The following FNDC3A variants were observed in gnomAD, a reference collection of about 807,000 sequenced individuals.
The protein encoded by FNDC3A is fibronectin type-III domain-containing protein 3A.
In FNDC3A, 32 loss-of-function variants were observed where a neutral mutation model predicts 148.9. That is an observed-to-expected ratio of 0.21 (90% CI 0.16 to 0.29). The LOEUF (loss-of-function observed/expected upper bound fraction) is 0.29, where lower values mean the gene tolerates loss of function less well. FNDC3A is among the 10% of genes least tolerant of loss of function. The pLI is 1.00. For missense variants in FNDC3A, 1,191 were observed against 1,452.8 expected (o/e 0.82, Z 2.93); for synonymous variants, 472 against 473.6 (o/e 1.00, Z 0.04).
intron 7 of FNDC3A, among the ~76,000 whole-genome samples, chr13:49,145,417 T>C (rs763191816): frequency 1.3e-5 from 2 of 152,240 alleles, no homozygotes; most frequent in Non-Finnish European, 2.9e-5. Flanking sequence ...TGTCCTTTGC[T>C]CATTTTTCTC....
chr13:49,067,140 G>C (rs1419757670), intron 2 of FNDC3A, among the ~76,000 whole-genome samples: 1 of 151,966 alleles, frequency 6.6e-6, no homozygotes, highest in East Asian at 1.9e-4. Context: ...TCTACTAAAA[G>C]GTCAGATGAG....
intron 24 of FNDC3A, among the ~76,000 whole-genome samples, chr13:49,202,483 C>G (rs1886464023): frequency 6.6e-6 from 1 of 152,118 alleles, no homozygotes. Context: ...TTTAAAGTGA[C>G]TCTGGCAAGG....
At chr13:49,102,246 T>G (rs1213356463) in intron 3 of FNDC3A, among the ~76,000 whole-genome samples, 3 of 152,124 alleles carry the variant, frequency 2.0e-5, no homozygotes, top group Non-Finnish European at 4.4e-5. Flanking sequence ...GTTTTGGTGC[T>G]ACATATATCT....
chr13:49,144,159 T>C (rs934691600), intron 7 of FNDC3A, among the ~76,000 whole-genome samples: 16 of 151,964 alleles, frequency 1.1e-4, no homozygotes, highest in Admixed American at 2.0e-4. Context: ...GAGACACTTA[T>C]GGGTATACAT....
intron 2 of FNDC3A, among the ~76,000 whole-genome samples, chr13:49,069,088 C>A (rs1877471627): frequency 6.6e-6 from 1 of 152,004 alleles, no homozygotes; most frequent in Non-Finnish European, 1.5e-5. Context: ...TGAAAATACT[C>A]TACATGGTTA....
At chr13:49,134,756 A>G (rs1259606114) in intron 5 of FNDC3A, among the ~76,000 whole-genome samples, 1 of 99,220 alleles carries the variant, frequency 1.0e-5, no homozygotes, top group Non-Finnish European at 2.0e-5. Flanking sequence ...ACTAATGTTG[A>G]TCATCTTTTC....
At chr13:48,980,409 G>T (rs1044406852) in intron 1 of FNDC3A, among the ~76,000 whole-genome samples, 2 of 152,136 alleles carry the variant, frequency 1.3e-5, no homozygotes, top group Non-Finnish European at 2.9e-5. Flanking sequence ...GGGACAAGCA[G>T]TTGGACATTC....
At chr13:49,033,055 A>C (rs1874241898) in intron 2 of FNDC3A, among the ~76,000 whole-genome samples, 1 of 152,198 alleles carries the variant, frequency 6.6e-6, no homozygotes, top group African/African-American at 2.4e-5. Context: ...AAGCATTAAT[A>C]GGTTATTTCT....
chr13:49,084,814 T>C (rs144631271), intron 3 of FNDC3A, among the ~76,000 whole-genome samples: 14 of 152,270 alleles, frequency 9.2e-5, no homozygotes, highest in African/African-American at 2.6e-4. Flanking sequence ...TCAGGAGTTA[T>C]TGATGTTTTC....
intron 1 of FNDC3A, among the ~76,000 whole-genome samples, chr13:49,005,223 TTAAA>T (rs1258543403): frequency 6.6e-6 from 1 of 151,872 alleles, no homozygotes; most frequent in East Asian, 1.9e-4. Context: ...AGTCAAGATT[TTAAA>T]TAAATAACAT....
chr13:49,170,681 T>C (rs1194975842), intron 10 of FNDC3A, among the ~76,000 whole-genome samples: 1 of 152,188 alleles, frequency 6.6e-6, no homozygotes, highest in Non-Finnish European at 1.5e-5. Context: ...ATTTATTTGG[T>C]TCTTTGAAGC....
chr13:49,175,109 AT>A (rs1299055865), intron 12 of FNDC3A, among the ~76,000 whole-genome samples: 1 of 152,192 alleles, frequency 6.6e-6, no homozygotes, highest in Non-Finnish European at 1.5e-5. Context: ...GGTAATGTGT[AT>A]ATTTTTTCAT....
intron 1 of FNDC3A, among the ~76,000 whole-genome samples, chr13:48,994,094 C>T (rs1043252656): frequency 6.6e-6 from 1 of 151,878 alleles, no homozygotes; most frequent in Non-Finnish European, 1.5e-5. Flanking sequence ...CTTCATATAT[C>T]CAGATGAAAA....
intron 3 of FNDC3A, among the ~76,000 whole-genome samples, chr13:49,098,436 A>G (rs997811850): frequency 2.0e-5 from 3 of 152,140 alleles, no homozygotes; most frequent in Non-Finnish European, 2.9e-5. Context: ...TCCTACTAAA[A>G]TAACAAAAGA....
At chr13:49,190,891 C>T (rs190767174) in intron 17 of FNDC3A, 124 bp from the exon 18 acceptor site, 2 of 606,702 alleles carry the variant, frequency 3.3e-6, no homozygotes, top group East Asian at 3.0e-5. Context: ...TTTTTGTTGA[C>T]AATCAAGTAC....
intron 2 of FNDC3A, among the ~76,000 whole-genome samples, chr13:49,064,721 TA>T (rs1877146582): frequency 6.6e-6 from 1 of 152,088 alleles, no homozygotes; most frequent in Non-Finnish European, 1.5e-5. Context: ...GTGGAGACTT[TA>T]TAGCATGGTG....
chr13:49,029,065 C>G (rs1250755583), intron 2 of FNDC3A, among the ~76,000 whole-genome samples: 1 of 152,190 alleles, frequency 6.6e-6, no homozygotes, highest in Non-Finnish European at 1.5e-5. Flanking sequence ...CCTTTGCCTC[C>G]TGAGCTCAAG....
In FNDC3A at chr13:49,198,517, A is replaced by G. The variant is rs1423482085; in HGVS notation, c.2930A>G (p.Lys977Arg). 3 of 1,614,194 alleles carry G rather than the reference A, an allele frequency of 1.9e-6. No homozygotes were observed. Among genetic ancestry groups the G allele is most frequent in the Non-Finnish European group, 2.5e-6 (3 of 1,180,016 alleles). ...LKLKWGEGTP[K>R]TLSTDSIQYH... ...CTGAAATGGGGAGAAGGAACTCCAAAGACATTGTCAACCGATTCTATTCAG... is the reference window on the plus strand; with the variant it reads ...CTGAAATGGGGAGAAGGAACTCCAAGGACATTGTCAACCGATTCTATTCAG... The change falls in exon 23 of 26, where the codon AAG becomes AGG. Residue 977 changes from lysine (K) to arginine (R), a missense_variant. This residue lies in a region of FNDC3A where 751 missense variants were observed against 944.0 expected (regional missense o/e 0.80). Transcript: ENST00000492622.
chr13:49,105,833 T>G (rs1338181656), intron 3 of FNDC3A, among the ~76,000 whole-genome samples: 1 of 152,228 alleles, frequency 6.6e-6, no homozygotes, highest in Non-Finnish European at 1.5e-5. Context: ...ATTGCCAGTT[T>G]TGCAAAATGG....
Sources: gnomAD v4.1 joint callset for allele counts (sites outside exome capture counted in the v4.1 genomes callset) on GRCh38, gnomAD v4.1.1 for gene constraint, gnomAD v4.1.1 regional missense constraint, MANE v1.5 for transcripts, NCBI Gene and HGNC (gene_info 2026-07-23, HGNC 2026-07-21) for gene names.